The following WWOX variants were observed in gnomAD, a reference collection of about 807,000 sequenced individuals.
The protein encoded by WWOX is WW domain-containing oxidoreductase.
In WWOX, 69 loss-of-function variants were observed where a neutral mutation model predicts 46.2. The ratio of observed to expected loss-of-function variants is 1.49; its 90% CI spans 1.23 to 1.82. The LOEUF (loss-of-function observed/expected upper bound fraction) is 1.82. Ranked by LOEUF, WWOX falls within the 40% of genes most tolerant of loss-of-function variation. The pLI is 0.00. For synonymous variants in WWOX, 359 were observed against 202.6 expected (o/e 1.77, Z -6.56); for missense variants, 919 against 542.6 (o/e 1.69, Z -6.89).
intron 8 of WWOX, among the ~76,000 whole-genome samples, chr16:79,141,926 C>G (rs1455736629): frequency 6.6e-6 from 1 of 152,140 alleles, no homozygotes; most frequent in Non-Finnish European, 1.5e-5. Context: ...TAGTATGACT[C>G]TCCAGTGCTT....
intron 5 of WWOX, among the ~76,000 whole-genome samples, chr16:78,187,903 G>A (rs893971642): frequency 6.6e-6 from 1 of 152,138 alleles, no homozygotes; most frequent in Admixed American, 6.5e-5. Context: ...TTTCAGTGAC[G>A]TAACAGGTGT....
At chr16:78,559,096 G>A (rs1031580693) in intron 8 of WWOX, among the ~76,000 whole-genome samples, 1 of 152,194 alleles carries the variant, frequency 6.6e-6, no homozygotes, top group Non-Finnish European at 1.5e-5. Context: ...GCTTGGGAGA[G>A]GGACAGTAGT....
At chr16:79,088,748 C>A (rs1400778831) in intron 8 of WWOX, among the ~76,000 whole-genome samples, 1 of 152,164 alleles carries the variant, frequency 6.6e-6, no homozygotes, top group African/African-American at 2.4e-5. Context: ...ACAGTTGCTA[C>A]TTACCGTGGG....
intron 8 of WWOX, chr16:79,203,632 C>T (rs564081779): frequency 1.3e-5 from 2 of 151,972 alleles, no homozygotes; most frequent in Non-Finnish European, 2.9e-5. Flanking sequence ...ATCCTCCCTG[C>T]TCACAAAACA....
chr16:78,822,161 C>T (rs909760207), intron 8 of WWOX, among the ~76,000 whole-genome samples: 2 of 152,100 alleles, frequency 1.3e-5, no homozygotes, highest in Non-Finnish European at 2.9e-5. Context: ...CAGGTGTGAG[C>T]CACCATGCCC....
intron 8 of WWOX, among the ~76,000 whole-genome samples, chr16:78,640,497 G>A (rs1210543653): frequency 1.3e-5 from 2 of 152,108 alleles, no homozygotes; most frequent in Non-Finnish European, 2.9e-5. Flanking sequence ...TGTACTGCAT[G>A]AAGCAGGGGT....
At chr16:78,928,403 C>T (rs1318949617) in intron 8 of WWOX, among the ~76,000 whole-genome samples, 1 of 151,756 alleles carries the variant, frequency 6.6e-6, no homozygotes, top group African/African-American at 2.4e-5. Flanking sequence ...GGGGTTTCAC[C>T]GTGTTAGCCA....
intron 8 of WWOX, among the ~76,000 whole-genome samples, chr16:79,075,941 C>G (rs527901785): frequency 6.6e-5 from 10 of 152,268 alleles, no homozygotes; most frequent in Admixed American, 2.6e-4. Context: ...AACATCTGCT[C>G]TAACGTTGGA....
intron 8 of WWOX, among the ~76,000 whole-genome samples, chr16:78,907,390 G>A (rs181332978): frequency 6.6e-6 from 1 of 152,210 alleles, no homozygotes; most frequent in Non-Finnish European, 1.5e-5. Context: ...GTAACCTCTG[G>A]AATAATGGCT....
chr16:78,317,033 A>C (rs1231391456), intron 5 of WWOX, among the ~76,000 whole-genome samples: 1 of 152,222 alleles, frequency 6.6e-6, no homozygotes, highest in African/African-American at 2.4e-5. Flanking sequence ...TTAGAATCCA[A>C]AGGTGAAGCC....
chr16:78,388,799 G>A (rs769837271), intron 6 of WWOX, among the ~76,000 whole-genome samples: 64 of 151,112 alleles, frequency 4.2e-4, no homozygotes, highest in African/African-American at 1.4e-3. Context: ...GTAAAACCCC[G>A]TCTCTACTAA....
chr16:78,448,492 C>G (rs1002495320), intron 8 of WWOX, among the ~76,000 whole-genome samples: 5 of 152,050 alleles, frequency 3.3e-5, no homozygotes, highest in African/African-American at 1.2e-4. Context: ...TTCTTACCGA[C>G]AAAGCTGGTG....
At chr16:78,129,353 T>A (rs2033495654) in intron 4 of WWOX, among the ~76,000 whole-genome samples, 1 of 152,164 alleles carries the variant, frequency 6.6e-6, no homozygotes, top group African/African-American at 2.4e-5. Flanking sequence ...AATGTCCTGT[T>A]GCTACTATAA....
intron 8 of WWOX, among the ~76,000 whole-genome samples, chr16:78,848,931 G>C (rs1294405481): frequency 1.3e-5 from 2 of 151,912 alleles, no homozygotes; most frequent in African/African-American, 2.4e-5. Context: ...TTTTCTGCTG[G>C]TTGTGATCAT....
chr16:78,720,572 C>G (rs775531163), intron 8 of WWOX, among the ~76,000 whole-genome samples: 1 of 151,610 alleles, frequency 6.6e-6, no homozygotes. Context: ...AGAGACAGAG[C>G]CAGATGTTCA....
At chr16:78,930,222 T>C (rs9922339) in intron 8 of WWOX, among the ~76,000 whole-genome samples, 6,967 of 101,752 alleles carry the variant, frequency 0.068, 429 homozygotes, top group African/African-American at 0.096. Context: ...TCAGGACCTT[T>C]CTTCCTTCCT....
At chr16:78,586,524 G>C (rs947830860) in intron 8 of WWOX, among the ~76,000 whole-genome samples, 1 of 152,136 alleles carries the variant, frequency 6.6e-6, no homozygotes, top group African/African-American at 2.4e-5. Flanking sequence ...TTGTCTAATT[G>C]AATTCTCCAA....
At chr16:78,849,853 A>C (rs900483155) in intron 8 of WWOX, among the ~76,000 whole-genome samples, 3 of 152,102 alleles carry the variant, frequency 2.0e-5, no homozygotes, top group Non-Finnish European at 4.4e-5. Context: ...TGGTCAGATC[A>C]CCTAAGGTTG....
chr16:78,245,340 C>T (rs866952862), intron 5 of WWOX, among the ~76,000 whole-genome samples: 13 of 152,110 alleles, frequency 8.5e-5, no homozygotes, highest in Admixed American at 2.0e-4. Flanking sequence ...TCCATGGCCA[C>T]GAACATCTTT....
Sources: gnomAD v4.1 joint callset for allele counts (sites outside exome capture counted in the v4.1 genomes callset) on GRCh38, gnomAD v4.1.1 for gene constraint, MANE v1.5 for transcripts, NCBI Gene and HGNC (gene_info 2026-07-23, HGNC 2026-07-21) for gene names.